KHDRBS2: variants seen among roughly 807,000 people sequenced by gnomAD.
KHDRBS2 encodes KH domain-containing, RNA-binding, signal transduction-associated protein 2.
KHDRBS2 carries 26 observed loss-of-function variants against 44.3 expected under a neutral mutation model. The ratio of observed to expected loss-of-function variants is 0.59; its 90% CI spans 0.43 to 0.81. The LOEUF (loss-of-function observed/expected upper bound fraction) is 0.81. KHDRBS2 is among the 40% of genes least tolerant of loss of function. KHDRBS2 has a pLI of 0.00. For synonymous variants in KHDRBS2, 194 were observed against 151.1 expected (o/e 1.28, Z -2.08); for missense variants, 476 against 433.1 (o/e 1.10, Z -0.88).
intron 2 of KHDRBS2, among the ~76,000 whole-genome samples, chr6:62,090,110 G>T (rs924191866): frequency 6.6e-6 from 1 of 152,104 alleles, no homozygotes; most frequent in African/African-American, 2.4e-5. Flanking sequence ...GTGAAGAAAT[G>T]ACAGTAGAAC....
chr6:62,264,602 A>T (rs1838886009), intron 1 of KHDRBS2, among the ~76,000 whole-genome samples: 1 of 151,852 alleles, frequency 6.6e-6, no homozygotes, highest in East Asian at 1.9e-4. Context: ...AATTCACAAA[A>T]GACCGTTAAC....
chr6:61,672,489 A>G, the KHDRBS2 span, among the ~76,000 whole-genome samples: 1 of 152,032 alleles, frequency 6.6e-6, no homozygotes, highest in African/African-American at 2.4e-5. Context: ...CTATTTCTCC[A>G]CATCCTCTCC....
At chr6:61,932,840 C>T (rs185833855) in intron 4 of KHDRBS2, among the ~76,000 whole-genome samples, 189 of 152,206 alleles carry the variant, frequency 1.2e-3, no homozygotes, top group Non-Finnish European at 1.6e-3. Context: ...ATTTGTATTT[C>T]TGTACTTGGC....
chr6:61,854,109 T>G (rs954589440), intron 6 of KHDRBS2, among the ~76,000 whole-genome samples: 1 of 148,858 alleles, frequency 6.7e-6, no homozygotes. Context: ...TCACCATTTC[T>G]GGAACTCTCT....
the KHDRBS2 span, among the ~76,000 whole-genome samples, chr6:61,600,800 C>T: frequency 2.0e-5 from 3 of 152,162 alleles, no homozygotes; most frequent in African/African-American, 7.2e-5. Flanking sequence ...TCTCTTTACT[C>T]TCTTCTCCAA....
intron 6 of KHDRBS2, among the ~76,000 whole-genome samples, chr6:61,870,905 C>A (rs1351340222): frequency 6.6e-6 from 1 of 152,184 alleles, no homozygotes; most frequent in African/African-American, 2.4e-5. Context: ...GTGGAGAAAC[C>A]AGTGCAAAAA....
chr6:62,255,961 G>A (rs1837333946), intron 1 of KHDRBS2, among the ~76,000 whole-genome samples: 2 of 151,212 alleles, frequency 1.3e-5, no homozygotes, highest in Non-Finnish European at 2.9e-5. Context: ...ATGAAACCCT[G>A]TCTTTACTAA....
At chr6:61,740,768 G>A (rs1776021949) in intron 6 of KHDRBS2, among the ~76,000 whole-genome samples, 1 of 151,892 alleles carries the variant, frequency 6.6e-6, no homozygotes, top group Non-Finnish European at 1.5e-5. Flanking sequence ...AAAGCATTAA[G>A]TGTTTTCTTG....
At chr6:61,842,752 A>G (rs1793767924) in intron 6 of KHDRBS2, among the ~76,000 whole-genome samples, 1 of 152,172 alleles carries the variant, frequency 6.6e-6, no homozygotes, top group South Asian at 2.1e-4. Context: ...ACATGTCCAC[A>G]CAAAATCTTG....
the KHDRBS2 span, among the ~76,000 whole-genome samples, chr6:61,590,928 A>C: frequency 6.6e-6 from 1 of 152,212 alleles, no homozygotes; most frequent in Non-Finnish European, 1.5e-5. Flanking sequence ...ATGAGACAAA[A>C]TCCACAGATT....
At chr6:61,997,008 C>A (rs535747477) in intron 3 of KHDRBS2, among the ~76,000 whole-genome samples, 7 of 152,256 alleles carry the variant, frequency 4.6e-5, no homozygotes, top group Admixed American at 1.3e-4. Context: ...GTCTCAAACT[C>A]CTGACCTCGT....
At chr6:62,050,148 A>G (rs2127310818) in intron 2 of KHDRBS2, among the ~76,000 whole-genome samples, 1 of 152,226 alleles carries the variant, frequency 6.6e-6, no homozygotes, top group East Asian at 1.9e-4. Context: ...TTTCAGGGAC[A>G]TGGTTGAAGC....
chr6:62,018,207 A>G (rs752428938), intron 3 of KHDRBS2, among the ~76,000 whole-genome samples: 1 of 150,910 alleles, frequency 6.6e-6, no homozygotes, highest in Non-Finnish European at 1.5e-5. Flanking sequence ...ATAAAAATAT[A>G]CAAATATTCT....
At chr6:61,685,430 T>A (rs1766712018) in intron 8 of KHDRBS2, among the ~76,000 whole-genome samples, 1 of 151,862 alleles carries the variant, frequency 6.6e-6, no homozygotes, top group African/African-American at 2.4e-5. Flanking sequence ...AAAAGGGGTT[T>A]CAAACCAATT....
chr6:62,218,929 A>G (rs1409002306), intron 1 of KHDRBS2, among the ~76,000 whole-genome samples: 1 of 151,924 alleles, frequency 6.6e-6, no homozygotes, highest in African/African-American at 2.4e-5. Context: ...AAAGTTAAAC[A>G]CTGTGTATAA....
intron 2 of KHDRBS2, among the ~76,000 whole-genome samples, chr6:62,059,197 A>ATTTTTTTTT (rs1562748697): frequency 3.3e-5 from 1 of 30,076 alleles, no homozygotes; most frequent in African/African-American, 7.8e-5. Context: ...AAAGTTAGGA[A>ATTTTTTTTT]GTTTTTTTTT....
At chr6:62,249,925 G>A (rs1348153469) in intron 1 of KHDRBS2, among the ~76,000 whole-genome samples, 1 of 152,048 alleles carries the variant, frequency 6.6e-6, no homozygotes, top group Non-Finnish European at 1.5e-5. Flanking sequence ...TTCCTAGGAT[G>A]TTCTGAAGAT....
intron 4 of KHDRBS2, among the ~76,000 whole-genome samples, 167 bp from the exon 5 acceptor site, chr6:61,901,538 C>A (rs1035286976): frequency 6.6e-6 from 1 of 151,816 alleles, no homozygotes; most frequent in Non-Finnish European, 1.5e-5. Context: ...AGTGTATATA[C>A]TTTAAATTCC....
the KHDRBS2 span, among the ~76,000 whole-genome samples, chr6:61,662,374 C>A: frequency 4.0e-5 from 6 of 151,032 alleles, no homozygotes; most frequent in African/African-American, 1.2e-4. Flanking sequence ...AAAGCAATGG[C>A]AACAAAAGCC....
Sources: gnomAD v4.1 joint callset for allele counts (sites outside exome capture counted in the v4.1 genomes callset) on GRCh38, gnomAD v4.1.1 for gene constraint, MANE v1.5 for transcripts, NCBI Gene and HGNC (gene_info 2026-07-23, HGNC 2026-07-21) for gene names.